Variants in MGARP observed in about 807,000 individuals in gnomAD.
MGARP encodes protein MGARP.
Under a neutral mutation model 11.0 loss-of-function variants are expected in MGARP, and 12 were observed. The observed-to-expected ratio is 1.09, with a 90% CI of 0.70 to 1.77. The LOEUF (loss-of-function observed/expected upper bound fraction) is 1.77. Among genes scored for constraint, MGARP ranks in the 40% most tolerant of loss-of-function variants. MGARP has a pLI of 0.00. For missense variants in MGARP, 283 were observed against 297.8 expected (o/e 0.95, Z 0.36); for synonymous variants, 110 against 115.4 (o/e 0.95, Z 0.30).
chr4:139,269,684 C>A (rs2110729913), intron 2 of MGARP, among the ~76,000 whole-genome samples: 1 of 150,308 alleles, frequency 6.7e-6, no homozygotes, highest in Admixed American at 6.6e-5. Flanking sequence ...GGGAAGAAAG[C>A]TATTTTAATC....
chr4:139,268,052 G>A (rs969916610), intron 3 of MGARP, among the ~76,000 whole-genome samples: 4 of 151,920 alleles, frequency 2.6e-5, no homozygotes, highest in African/African-American at 9.7e-5. Flanking sequence ...AGGAGTTCAA[G>A]GCTGCAGTAG....
chr4:139,279,982 G>C, intron 1 of MGARP, 95 bp downstream of exon 1: 1 of 1,352,286 alleles, frequency 7.4e-7, no homozygotes, highest in Non-Finnish European at 1.0e-6. Flanking sequence ...TCTGGGTCGG[G>C]TTTGGCCAAC....
rs559675663 is a variant in MGARP at position 139,273,262 on chromosome 4, C to T, written c.186+2027G>A. 9.2e-5 allele frequency among the ~76,000 whole-genome samples: 14 copies of T among 151,914 alleles called. No individual in the cohort carries two copies. The South Asian group carries it at 2.5e-3, about 27-fold the overall frequency. On this transcript the variant is annotated intron_variant, in intron 2 of 3. Coordinates refer to ENST00000398955, the MANE Select transcript of MGARP (RefSeq NM_032623.4). ...TGAGACAGGGTCTTGTTCTGTTGAC[C>T]AGGCTTGAGTGCAGTGGTGCAATCT...
intron 2 of MGARP, among the ~76,000 whole-genome samples, 185 bp downstream of exon 2, chr4:139,275,104 T>C (rs1428503090): frequency 1.3e-5 from 2 of 152,242 alleles, no homozygotes; most frequent in Non-Finnish European, 2.9e-5. Flanking sequence ...TATATTCTTA[T>C]GAAAACCCTG....
rs375705593 is a variant in MGARP, at chr4:139,266,735, G to A, written c.587C>T (p.Thr196Ile). ...TTCATCAGAGGTTTCGTTCTTTGTT[G>A]TATCTTTATCATTATCGATGGTGAC... ...EAVTIDNDKD[T>I]TKNETSDEYA... The change falls in exon 4 of 4, where the codon ACA becomes ATA. Residue 196 changes from threonine to isoleucine, a missense_variant. Thr to Ile is a moderately conservative substitution (Grantham distance 89, BLOSUM62 -1). Coordinates refer to ENST00000398955, the MANE Select transcript of MGARP (RefSeq NM_032623.4). The A allele has an allele frequency of 5.4e-5, 87 of 1,614,012 alleles. No individual in the cohort carries two copies. Among genetic ancestry groups the A allele is most frequent in the Non-Finnish European group, 2.2e-5 (26 of 1,180,026 alleles).
chr4:139,269,719 T>C (rs542420792), intron 2 of MGARP, among the ~76,000 whole-genome samples: 1 of 152,060 alleles, frequency 6.6e-6, no homozygotes, highest in Non-Finnish European at 1.5e-5. Flanking sequence ...CAGGCTTCCT[T>C]TCATTTTATA....
rs893085415 is a variant in MGARP, at chr4:139,275,295, T to A, written c.180A>T (p.Gly60=). Residue 60 remains glycine (G), a synonymous_variant, in exon 2 of 4, where the codon GGA becomes GGT. Coordinates refer to ENST00000398955, the MANE Select transcript of MGARP (RefSeq NM_032623.4). ...TGGTTATATAATCACTTACATAATA[T>A]CCACCAGCACTGACTGTGACGCCTA... ...LVVGVTVSAG[G]YYAYKTVTSD... 2.5e-6 allele frequency: 4 copies of A among 1,611,602 alleles called. No homozygotes were observed. Among genetic ancestry groups the A allele is most frequent in the Non-Finnish European group, 3.4e-6 (4 of 1,178,312 alleles).
At chr4:139,275,766 T>C (rs190269978) in intron 1 of MGARP, among the ~76,000 whole-genome samples, 1 of 152,338 alleles carries the variant, frequency 6.6e-6, no homozygotes, top group Non-Finnish European at 1.5e-5. Flanking sequence ...GAAAATATTA[T>C]TTTTTAAAAA....
intron 2 of MGARP, among the ~76,000 whole-genome samples, chr4:139,270,014 T>C (rs1744754013): frequency 6.6e-6 from 1 of 152,006 alleles, no homozygotes; most frequent in Non-Finnish European, 1.5e-5. Context: ...ATGTCTGTAA[T>C]GTCGGGGCCG....
chr4:139,270,375 C>T (rs1279894798), intron 2 of MGARP, among the ~76,000 whole-genome samples: 1 of 150,140 alleles, frequency 6.7e-6, no homozygotes, highest in African/African-American at 2.4e-5. Context: ...TTTGGGAGGC[C>T]GAGGCAGGCG....
At chr4:139,267,432 A>G (rs1030293134) in intron 3 of MGARP, among the ~76,000 whole-genome samples, 1 of 152,176 alleles carries the variant, frequency 6.6e-6, no homozygotes, top group Non-Finnish European at 1.5e-5. Flanking sequence ...ATACAAAAAT[A>G]AGTAGCTATC....
At chr4:139,275,066 A>G (rs957110686) in intron 2 of MGARP, among the ~76,000 whole-genome samples, 3 of 152,244 alleles carry the variant, frequency 2.0e-5, no homozygotes, top group African/African-American at 7.2e-5. Context: ...AAACTAAAAA[A>G]GAAAAACCTT....
chr4:139,273,058 T>C (rs538597032), intron 2 of MGARP, among the ~76,000 whole-genome samples: 1 of 152,210 alleles, frequency 6.6e-6, no homozygotes, highest in Non-Finnish European at 1.5e-5. Context: ...GAATTTCTGC[T>C]TATTCTACTT....
intron 1 of MGARP, among the ~76,000 whole-genome samples, chr4:139,279,757 A>G (rs1272536050): frequency 6.6e-6 from 1 of 152,200 alleles, no homozygotes; most frequent in Non-Finnish European, 1.5e-5. Context: ...TTAACCATAC[A>G]TTAACTCATT....
At chr4:139,275,728 C>T (rs1455270307) in intron 1 of MGARP, among the ~76,000 whole-genome samples, 1 of 152,176 alleles carries the variant, frequency 6.6e-6, no homozygotes, top group Non-Finnish European at 1.5e-5. Flanking sequence ...AAGCCATGTA[C>T]TATATGTACT....
chr4:139,267,520 C>G (rs1381523803), intron 3 of MGARP, among the ~76,000 whole-genome samples: 1 of 152,166 alleles, frequency 6.6e-6, no homozygotes, highest in Non-Finnish European at 1.5e-5. Flanking sequence ...CTAATCCTCT[C>G]TCAATCTCAT....
Position 139,280,078 on chromosome 4 carries a change from G to A in MGARP, c.81C>T (p.Asp27=), listed in dbSNP as rs748089511. ...TCCGGGCTAGACCTCCTTACTCACC[G>A]TCCTTTCCGAGCGGCGCGGGGTTGG... ...APPNPAPLGK[D]ASLRRMSSNR... The change falls in exon 1 of 4, where the codon GAC becomes GAT. Residue 27 remains aspartate, a splice_region_variant and synonymous_variant. Coordinates refer to ENST00000398955, the MANE Select transcript of MGARP (RefSeq NM_032623.4). 4.3e-6 allele frequency: 7 copies of A among 1,612,046 alleles called. No individual in the cohort carries two copies. The African/African-American group carries it at 8.0e-5, about 18-fold the overall frequency.
chr4:139,273,150 C>T (rs1205005838), intron 2 of MGARP, among the ~76,000 whole-genome samples: 1 of 152,190 alleles, frequency 6.6e-6, no homozygotes, highest in African/African-American at 2.4e-5. Context: ...AATTCTCCTG[C>T]CTTGGCCTCC....
chr4:139,266,526 G>T lies in MGARP; in HGVS notation c.*73C>A. The T allele has an allele frequency of 7.8e-7, 1 of 1,284,104 alleles. No individual in the cohort carries two copies. Among genetic ancestry groups the T allele is most frequent in the Non-Finnish European group, 1.1e-6 (1 of 946,998 alleles). 79.5% of individuals were successfully genotyped at this position (1,284,104 alleles called of 1,614,324 possible). A position where few individuals can be genotyped will look rare whatever the true frequency, so the allele number is the denominator to read the frequency against. ...ATAAGTCTTTTTTTTTTTAAACTAA[G>T]TGTACTAAAAACACAAAAGCACTTA... is the stretch of plus-strand genomic sequence containing the variant. On this transcript the variant is annotated 3_prime_UTR_variant, in exon 4 of 4. Coordinates refer to ENST00000398955, the MANE Select transcript of MGARP (RefSeq NM_032623.4).
Sources: gnomAD v4.1 joint callset for allele counts (sites outside exome capture counted in the v4.1 genomes callset) on GRCh38, gnomAD v4.1.1 for gene constraint, MANE v1.5 for transcripts, NCBI Gene and HGNC (gene_info 2026-07-23, HGNC 2026-07-21) for gene names.